Variants in PIK3C2G observed in about 807,000 individuals in gnomAD.
The protein encoded by PIK3C2G is phosphatidylinositol 3-kinase C2 domain-containing subunit gamma.
In PIK3C2G, 168 loss-of-function variants were observed where a neutral mutation model predicts 181.1. That is an observed-to-expected ratio of 0.93 (90% CI 0.82 to 1.05). PIK3C2G has a LOEUF of 1.05. PIK3C2G is among the 50% of genes least tolerant of loss of function. The pLI is 0.00. For missense variants in PIK3C2G, 1,869 were observed against 1,732.8 expected (o/e 1.08, Z -1.40); for synonymous variants, 573 against 592.2 (o/e 0.97, Z 0.47).
intron 11 of PIK3C2G, 86 bp from the exon 12 acceptor site, chr12:18,362,678 T>A: frequency 1.0e-6 from 1 of 997,426 alleles, no homozygotes; most frequent in Non-Finnish European, 1.4e-6. Flanking sequence ...ATCATTTGAC[T>A]TTTGACTACA....
At chr12:18,626,336 T>A (rs944047612) in intron 31 of PIK3C2G, among the ~76,000 whole-genome samples, 2 of 151,980 alleles carry the variant, frequency 1.3e-5, no homozygotes, top group Non-Finnish European at 2.9e-5. Flanking sequence ...TTTATGTTTT[T>A]TATGTCTGAA....
intron 8 of PIK3C2G, among the ~76,000 whole-genome samples, chr12:18,338,071 T>A (rs1270158954): frequency 1.3e-5 from 2 of 152,054 alleles, no homozygotes; most frequent in Non-Finnish European, 2.9e-5. Context: ...TAAGGCTGAG[T>A]TTCCCTGCTT....
At chr12:18,677,630 A>C in the PIK3C2G span, among the ~76,000 whole-genome samples, 4 of 152,126 alleles carry the variant, frequency 2.6e-5, no homozygotes, top group African/African-American at 9.7e-5. Flanking sequence ...CAAAAATCAC[A>C]AAGCTGAAGC....
In PIK3C2G at chr12:18,286,849, A is replaced by G; in HGVS notation, c.681A>G (p.Ser227=). 2 of 1,483,232 alleles carry G rather than the reference A, an allele frequency of 1.3e-6. No homozygotes were observed. The highest frequency in any genetic ancestry group is 2.5e-5 in the East Asian group (1 of 40,056). The allele number at this position is 1,483,232 out of a possible 1,614,324, so 91.9% of individuals were successfully genotyped here. A position where few individuals can be genotyped will look rare whatever the true frequency, so the allele number is the denominator to read the frequency against. Residue 227 remains serine (S), a splice_region_variant and synonymous_variant, in exon 3 of 33, where the codon TCA becomes TCG. Coordinates refer to ENST00000538779, the MANE Select transcript of PIK3C2G (RefSeq NM_001288772.2). ...WESTWQKNIE[S]IGCSIQLVEV... is the part of the protein sequence containing the mutation. ...AATTTAGTAGATTTTATTTTAAGTC[A>G]ATAGGTTGTTCCATTCAGCTAGTGG...
chr12:18,385,810 C>T (rs1351804215), intron 14 of PIK3C2G, among the ~76,000 whole-genome samples: 1 of 152,080 alleles, frequency 6.6e-6, no homozygotes, highest in Non-Finnish European at 1.5e-5. Flanking sequence ...AGGTAATCCA[C>T]CTATCTCGGA....
intron 29 of PIK3C2G, among the ~76,000 whole-genome samples, chr12:18,584,248 C>T (rs1946660281): frequency 6.6e-6 from 1 of 151,748 alleles, no homozygotes; most frequent in Admixed American, 6.6e-5. Context: ...GTCTCGATCT[C>T]CTGATCTCAT....
the PIK3C2G span, among the ~76,000 whole-genome samples, chr12:18,725,363 G>A: frequency 1.3e-5 from 2 of 152,182 alleles, no homozygotes; most frequent in East Asian, 1.9e-4. Flanking sequence ...GACTGCCAAC[G>A]TGCTAGACTC....
At chr12:18,300,853 G>C (rs761520552) in intron 5 of PIK3C2G, among the ~76,000 whole-genome samples, 44 of 151,984 alleles carry the variant, frequency 2.9e-4, no homozygotes, top group Non-Finnish European at 5.6e-4. Flanking sequence ...TCCAGATGTA[G>C]GCTTTCCTTA....
At chr12:18,683,198 T>C in the PIK3C2G span, 2 of 1,545,344 alleles carry the variant, frequency 1.3e-6, no homozygotes, top group African/African-American at 2.7e-5. Context: ...GGCTGTTTTA[T>C]TGCGATGCAT....
chr12:18,264,735 G>A (rs1255208471), intron 1 of PIK3C2G, among the ~76,000 whole-genome samples: 1 of 152,106 alleles, frequency 6.6e-6, no homozygotes, highest in Non-Finnish European at 1.5e-5. Context: ...TGAGCAGACA[G>A]GCTGAATTCT....
chr12:18,356,909 C>G (rs1038820580), intron 11 of PIK3C2G, among the ~76,000 whole-genome samples: 1 of 151,832 alleles, frequency 6.6e-6, no homozygotes, highest in South Asian at 2.1e-4. Context: ...AACATTCAAG[C>G]GGGAAAACAG....
Position 18,253,851 on chromosome 12 carries a change from A to ATT in PIK3C2G, c.-79+5781_-79+5782dup, listed in dbSNP as rs34003056. The stretch of plus-strand genomic sequence containing the variant: ...AATAACCCATCTGGTGGCTTCAATT[A>ATT]TTTTTTTTTTTTTCATTTTAAGACA... On this transcript the variant is annotated intron_variant, in intron 1 of 11. Coordinates refer to the PIK3C2G transcript ENST00000535651. Among the ~76,000 whole-genome samples, 217 of 145,754 alleles carry ATT rather than the reference A, an allele frequency of 1.5e-3. 2 individuals are homozygous for ATT. Among genetic ancestry groups the ATT allele is most frequent in the Middle Eastern group, 7.1e-3 (2 of 280 alleles).
rs751449199 is a variant in PIK3C2G, at chr12:18,314,001, T to C, written c.1074T>C (p.Asp358=). ...GGAGCCACAAAATGTTTCAAAAAGA[T>C]AAATCTGTTATTCAGCTCCACCTGC... ...CLGSHKMFQK[D]KSVIQLHLQK... The change falls in exon 6 of 33, where the codon GAT becomes GAC. Residue 358 remains aspartate (D), a synonymous_variant. Coordinates refer to ENST00000538779, the MANE Select transcript of PIK3C2G (RefSeq NM_001288772.2). 1.1e-5 allele frequency: 18 copies of C among 1,591,924 alleles called. No individual in the cohort carries two copies. The highest frequency in any genetic ancestry group is 1.1e-5 in the Non-Finnish European group (13 of 1,168,208).
In PIK3C2G at chr12:18,562,774, C is replaced by G; in HGVS notation, c.3662C>G (p.Ser1221Ter). 6.2e-7 allele frequency: 1 copy of G among 1,607,550 alleles called. No homozygotes were observed. The highest frequency in any genetic ancestry group is 8.5e-7 in the Non-Finnish European group (1 of 1,176,112). The change falls in exon 27 of 33, where the codon TCA (serine) becomes TGA (stop). Residue 1221 changes from serine to a stop codon, truncating the protein, a stop_gained. Transcript: ENST00000538779. LOFTEE classifies it high-confidence loss of function. ...NNLIHTLAQMSAISPAKSTSQ... is the reference protein window; with the variant it reads ...NNLIHTLAQM The stretch of plus-strand genomic sequence containing the variant: ...TTGATCCACACACTTGCACAAATGT[C>G]AGCCATAAGCCCTGCCAAATCTACT...
chr12:18,540,255 C>A (rs948866051), intron 25 of PIK3C2G, among the ~76,000 whole-genome samples: 5 of 151,808 alleles, frequency 3.3e-5, no homozygotes, highest in Non-Finnish European at 1.5e-5. Flanking sequence ...AGGTATCCAG[C>A]ATTTCTAAAT....
intron 13 of PIK3C2G, among the ~76,000 whole-genome samples, chr12:18,377,037 A>G (rs746830971): frequency 1.3e-5 from 2 of 152,242 alleles, no homozygotes; most frequent in African/African-American, 4.8e-5. Context: ...GTTCCAGCTC[A>G]GCCTTGCCTG....
chr12:18,488,317 C>A (rs1940245131), intron 18 of PIK3C2G, 132 bp from the exon 19 acceptor site: 1 of 439,350 alleles, frequency 2.3e-6, no homozygotes. Flanking sequence ...AACATTTTCC[C>A]CATTCTAGGT....
chr12:18,273,600 T>C (rs1386888932), intron 1 of PIK3C2G, among the ~76,000 whole-genome samples: 1 of 152,168 alleles, frequency 6.6e-6, no homozygotes, highest in East Asian at 1.9e-4. Flanking sequence ...TGGCTAGCCA[T>C]ATGTAGAAAG....
chr12:18,668,002 C>G, the PIK3C2G span, among the ~76,000 whole-genome samples: 1 of 152,122 alleles, frequency 6.6e-6, no homozygotes. Context: ...AGATTTTTAC[C>G]TAAGGTCTAC....
Sources: allele counts gnomAD v4.1 joint callset (sites outside exome capture counted in the v4.1 genomes callset), GRCh38; gene constraint gnomAD v4.1.1; transcripts MANE v1.5; gene names NCBI Gene and HGNC (gene_info 2026-07-23, HGNC 2026-07-21).